ADAMTS14: variants seen among roughly 807,000 people sequenced by gnomAD.
ADAMTS14 encodes A disintegrin and metalloproteinase with thrombospondin motifs 14.
In ADAMTS14, 100 loss-of-function variants were observed where a neutral mutation model predicts 128.6. The observed-to-expected ratio is 0.78, with a 90% CI of 0.66 to 0.92. The LOEUF is 0.92. ADAMTS14 is among the 40% of genes least tolerant of loss of function. ADAMTS14 has a pLI of 0.00. For missense variants in ADAMTS14, 1,562 were observed against 1,658.6 expected (o/e 0.94, Z 1.01); for synonymous variants, 665 against 653.8 (o/e 1.02, Z -0.26).
chr10:70,732,674 G>A (rs1042022216), intron 7 of ADAMTS14, among the ~76,000 whole-genome samples: 3 of 152,168 alleles, frequency 2.0e-5, no homozygotes, highest in African/African-American at 7.2e-5. Flanking sequence ...CCCATCACAC[G>A]CAGAGGCCTG....
intron 2 of ADAMTS14, among the ~76,000 whole-genome samples, chr10:70,683,142 C>T (rs1045231187): frequency 1.1e-4 from 16 of 152,250 alleles, no homozygotes; most frequent in African/African-American, 4.8e-5. Flanking sequence ...GGCCTCAGAC[C>T]CCCCTGCATG....
At chr10:70,698,462 G>A (rs986448895) in intron 2 of ADAMTS14, among the ~76,000 whole-genome samples, 4 of 152,220 alleles carry the variant, frequency 2.6e-5, no homozygotes, top group African/African-American at 9.6e-5. Context: ...TCATTGTGCA[G>A]ACAGGGAAAC....
At chr10:70,680,632 T>A (rs1213493827) in intron 2 of ADAMTS14, among the ~76,000 whole-genome samples, 2 of 152,142 alleles carry the variant, frequency 1.3e-5, no homozygotes, top group Non-Finnish European at 2.9e-5. Flanking sequence ...GGAACAGTTG[T>A]CTATGGGGTT....
At chr10:70,748,561 C>G (rs1842254328) in intron 15 of ADAMTS14, among the ~76,000 whole-genome samples, 1 of 152,188 alleles carries the variant, frequency 6.6e-6, no homozygotes, top group African/African-American at 2.4e-5. Context: ...GCTCCTGTCT[C>G]TCTGGGTGCC....
intron 4 of ADAMTS14, among the ~76,000 whole-genome samples, chr10:70,727,142 C>T (rs1238947754): frequency 1.3e-5 from 2 of 152,332 alleles, no homozygotes; most frequent in Admixed American, 1.3e-4. Flanking sequence ...CGGAAAGTGG[C>T]TTGGGACTGG....
intron 18 of ADAMTS14, among the ~76,000 whole-genome samples, chr10:70,752,694 G>A (rs927764784): frequency 3.9e-5 from 6 of 152,182 alleles, no homozygotes; most frequent in Non-Finnish European, 7.4e-5. Flanking sequence ...GAGGGTGGCT[G>A]GCTGGTAGCA....
intron 2 of ADAMTS14, among the ~76,000 whole-genome samples, chr10:70,694,630 T>G (rs1840282726): frequency 6.6e-6 from 1 of 152,242 alleles, no homozygotes; most frequent in African/African-American, 2.4e-5. Flanking sequence ...AACAGAATCA[T>G]GTAATATGTG....
intron 2 of ADAMTS14, among the ~76,000 whole-genome samples, chr10:70,690,981 G>A (rs868468118): frequency 1.4e-5 from 2 of 144,778 alleles, no homozygotes; most frequent in South Asian, 2.2e-4. Context: ...AGAGGGGGAA[G>A]CCTCAGAGCC....
At chr10:70,741,575 G>C (rs946434335) in intron 12 of ADAMTS14, among the ~76,000 whole-genome samples, 13 of 152,340 alleles carry the variant, frequency 8.5e-5, no homozygotes, top group African/African-American at 3.1e-4. Context: ...TGCATGACCA[G>C]TGTCCTGAGG....
At position 70,693,831 on chromosome 10, in the gene ADAMTS14, C is replaced by T. The variant is rs536958593; in HGVS notation, c.523-8481C>T. ...GGCCGAGTGGTCATCCCAGATAACTCTCTCCAGCTGGCAGAGGCTCTCTGC... is the reference window on the plus strand; with the variant it reads ...GGCCGAGTGGTCATCCCAGATAACTTTCTCCAGCTGGCAGAGGCTCTCTGC... On this transcript the variant is annotated intron_variant, in intron 2 of 21. Transcript: ENST00000373207. 2.2e-4 allele frequency among the ~76,000 whole-genome samples: 34 copies of T among 152,342 alleles called. 1 individual carries two copies. Among genetic ancestry groups the T allele is most frequent in the African/African-American group, 7.9e-4 (33 of 41,580 alleles).
chr10:70,680,727 C>T lies in ADAMTS14; in HGVS notation c.522+5732C>T, dbSNP rs61851455. Among the ~76,000 whole-genome samples, 1,212 of 152,212 alleles carry T rather than the reference C, an allele frequency of 8.0e-3. 13 individuals are homozygous for T. Among genetic ancestry groups the T allele is most frequent in the Non-Finnish European group, 0.01 (698 of 68,006 alleles). ...AAAATGGATAAAAGTCTGCAACCTC[C>T]GCCTCCTGGGTTCAAGTGATTCTCC... On this transcript the variant is annotated intron_variant, in intron 2 of 21. Coordinates refer to ENST00000373207, the MANE Select transcript of ADAMTS14 (RefSeq NM_080722.4).
Position 70,760,510 on chromosome 10 carries a change from C to T in ADAMTS14, c.3329C>T (p.Ser1110Leu), listed in dbSNP as rs150863733. 478 of 1,613,942 alleles carry T rather than the reference C, an allele frequency of 3.0e-4. No homozygotes were observed. Among genetic ancestry groups the T allele is most frequent in the Non-Finnish European group, 3.7e-4 (439 of 1,179,960 alleles). The change falls in exon 22 of 22, where the codon TCA becomes TTA. Residue 1110 changes from serine (S) to leucine (L), a missense_variant. Physicochemically the swap from Ser to Leu is moderately radical, Grantham distance 145. Coordinates refer to ENST00000373207, the MANE Select transcript of ADAMTS14 (RefSeq NM_080722.4). ...PNPGPDPGPTSLPPFSTPGSP... is the reference protein window; with the variant it reads ...PNPGPDPGPTLLPPFSTPGSP... ...CCTGGCCCAGACCCTGGCCCAACCT[C>T]ACTGCCCCCCTTCTCCACTCCTGGA...
chr10:70,674,618 C>A lies in ADAMTS14; in HGVS notation c.145C>A (p.Arg49=), dbSNP rs114392999. The A allele has an allele frequency of 1.9e-6, 3 of 1,613,900 alleles. No homozygotes were observed. The highest frequency in any genetic ancestry group is 2.5e-6 in the Non-Finnish European group (3 of 1,180,028). Residue 49 remains arginine (R), a synonymous_variant, in exon 2 of 22, where the codon CGG becomes AGG. Coordinates refer to ENST00000373207, the MANE Select transcript of ADAMTS14 (RefSeq NM_080722.4). The stretch of plus-strand genomic sequence containing the variant: ...GACAGTGCCCTGCAGCACAGACTTT[C>A]GGGGACGCTTCCTCTCCCACGTGGT... The part of the protein sequence containing the change: ...GVTVPCSTDF[R]GRFLSHVVSG...
At position 70,760,779 on chromosome 10, in the gene ADAMTS14, G is replaced by A. The variant is rs1201720514; in HGVS notation, c.3598G>A (p.Glu1200Lys). 6.2e-7 allele frequency: 1 copy of A among 1,611,656 alleles called. No homozygotes were observed. Among genetic ancestry groups the A allele is most frequent in the East Asian group, 2.2e-5 (1 of 44,832 alleles). The change falls in exon 22 of 22, where the codon GAG (glutamate) becomes AAG (lysine). Residue 1200 changes from glutamate to lysine, a missense_variant. Physicochemically the swap from Glu to Lys is moderately conservative, Grantham distance 56. Coordinates refer to ENST00000373207, the MANE Select transcript of ADAMTS14 (RefSeq NM_080722.4). ...GWTQTPTPVPEDKGQPGEDLR... is the reference protein window; with the variant it reads ...GWTQTPTPVPKDKGQPGEDLR... ...GACTCAGACACCTACGCCAGTCCCT[G>A]AGGACAAAGGGCAACCTGGAGAAGA...
intron 4 of ADAMTS14, among the ~76,000 whole-genome samples, chr10:70,716,082 T>C (rs1333966719): frequency 1.3e-5 from 2 of 152,256 alleles, no homozygotes; most frequent in East Asian, 1.9e-4. Context: ...CAGTTTCCAC[T>C]GAAGACTGGG....
intron 8 of ADAMTS14, among the ~76,000 whole-genome samples, chr10:70,734,589 C>T (rs1235179203): frequency 6.6e-6 from 1 of 152,200 alleles, no homozygotes; most frequent in African/African-American, 2.4e-5. Flanking sequence ...CAGCACACTC[C>T]CAATTCCGGC....
Position 70,760,797 on chromosome 10 carries a change from G to A in ADAMTS14, c.3616G>A (p.Gly1206Arg), listed in dbSNP as rs146654924. The stretch of plus-strand genomic sequence containing the variant: ...AGTCCCTGAGGACAAAGGGCAACCT[G>A]GAGAAGACCTGAGACATCCCGGCAC... ...TPVPEDKGQP[G>R]EDLRHPGTSL... The change falls in exon 22 of 22, where the codon GGA becomes AGA. Residue 1206 changes from glycine to arginine, a missense_variant. Gly to Arg is a moderately radical substitution (Grantham distance 125). Coordinates refer to ENST00000373207, the MANE Select transcript of ADAMTS14 (RefSeq NM_080722.4). The A allele has an allele frequency of 2.0e-4, 316 of 1,606,420 alleles. No individual in the cohort carries two copies. In the African/African-American group the frequency reaches 3.7e-3, roughly 19 times the overall value.
intron 7 of ADAMTS14, among the ~76,000 whole-genome samples, chr10:70,733,365 G>A (rs1172052292): frequency 6.6e-6 from 1 of 152,232 alleles, no homozygotes; most frequent in East Asian, 1.9e-4. Context: ...GCAAAGCTCT[G>A]TGCCCAGCCT....
At chr10:70,730,479 T>A (rs578217512) in intron 6 of ADAMTS14, among the ~76,000 whole-genome samples, 1 of 152,306 alleles carries the variant, frequency 6.6e-6, no homozygotes, top group East Asian at 1.9e-4. Flanking sequence ...CAGGCAGCTG[T>A]GAGTGGTCAG....
Sources: allele counts gnomAD v4.1 joint callset (sites outside exome capture counted in the v4.1 genomes callset), GRCh38; gene constraint gnomAD v4.1.1; transcripts MANE v1.5; gene names NCBI Gene and HGNC (gene_info 2026-07-23, HGNC 2026-07-21).